RIC3: variants seen among roughly 807,000 people sequenced by gnomAD.
RIC3 encodes the protein RIC3 acetylcholine receptor chaperone, also known as protein RIC-3.
In RIC3, 28 loss-of-function variants were observed where a neutral mutation model predicts 27.3. The ratio of observed to expected loss-of-function variants is 1.02; its 90% CI spans 0.76 to 1.41. RIC3 has a LOEUF of 1.41. Among genes scored for constraint, RIC3 ranks in the 40% most tolerant of loss-of-function variants. The pLI, the probability that RIC3 is intolerant of heterozygous loss-of-function variation, is 0.00. For synonymous variants in RIC3, 184 were observed against 160.4 expected, an observed-to-expected ratio of 1.15 and a Z score of -1.11; for missense variants, 501 against 444.7, an observed-to-expected ratio of 1.13 and a Z score of -1.14.
chr11:8,128,036 C>G (rs770463721), intron 4 of RIC3, among the ~76,000 whole-genome samples: 1 of 152,218 alleles, frequency 6.6e-6, no homozygotes, highest in Non-Finnish European at 1.5e-5. Context: ...ACTAAAGATG[C>G]CTGTCTGTTC....
intron 5 of RIC3, among the ~76,000 whole-genome samples, chr11:8,123,372 T>G (rs538719087): frequency 2.0e-5 from 3 of 151,884 alleles, no homozygotes; most frequent in Admixed American, 1.3e-4. Flanking sequence ...AAAGGCAAAT[T>G]AAACCAAAAG....
rs1478681046 is a variant in RIC3 at position 8,138,364 on chromosome 11, G to T, written c.352-17C>A. 2 of 1,554,016 alleles carry T rather than the reference G, an allele frequency of 1.3e-6. No individual in the cohort carries two copies. The highest frequency in any genetic ancestry group is 1.8e-6 in the Non-Finnish European group (2 of 1,126,268). On this transcript the variant is annotated splice_polypyrimidine_tract_variant and intron_variant, in intron 2 of 5. Coordinates refer to ENST00000309737, the MANE Select transcript of RIC3 (RefSeq NM_001206671.4). ...CTTTGAGAGCTGAGAATTGAAGGAGGTATAGCACATCAACAGCAGCTCAGA... is the reference window on the plus strand; with the variant it reads ...CTTTGAGAGCTGAGAATTGAAGGAGTTATAGCACATCAACAGCAGCTCAGA...
chr11:8,124,099 G>T (rs1401380011), intron 5 of RIC3, among the ~76,000 whole-genome samples: 1 of 148,094 alleles, frequency 6.8e-6, no homozygotes, highest in African/African-American at 2.5e-5. Flanking sequence ...AAAAGAAAAA[G>T]AAAAAGAGAA....
At chr11:8,096,852 C>T in the RIC3 span, 3 of 1,598,200 alleles carry the variant, frequency 1.9e-6, no homozygotes, top group Non-Finnish European at 2.6e-6. Context: ...GAGGACTGCT[C>T]ATCCGTTAGA....
chr11:8,149,175 A>T (rs1294641226), intron 1 of RIC3, among the ~76,000 whole-genome samples: 2 of 151,780 alleles, frequency 1.3e-5, no homozygotes, highest in African/African-American at 4.8e-5. Flanking sequence ...CCTGGGTGAC[A>T]GAGCGAGACT....
intron 1 of RIC3, among the ~76,000 whole-genome samples, chr11:8,149,303 G>A (rs1281655391): frequency 1.3e-5 from 2 of 152,038 alleles, no homozygotes; most frequent in African/African-American, 2.4e-5. Context: ...AAGCACACCA[G>A]GAGGAAAGAA....
chr11:8,144,123 G>A (rs372971051), intron 1 of RIC3, among the ~76,000 whole-genome samples: 3 of 152,170 alleles, frequency 2.0e-5, no homozygotes, highest in Admixed American at 1.3e-4. Context: ...GCATGGGCAA[G>A]GACTTCATGT....
chr11:8,128,439 C>T (rs4340036), intron 4 of RIC3: 3 of 359,628 alleles, frequency 8.3e-6, no homozygotes, highest in African/African-American at 2.1e-5. Context: ...CCTCATTTCA[C>T]TCTTAACAAG....
intron 1 of RIC3, among the ~76,000 whole-genome samples, chr11:8,152,607 T>C (rs1482592619): frequency 6.6e-6 from 1 of 152,146 alleles, no homozygotes; most frequent in Non-Finnish European, 1.5e-5. Flanking sequence ...CTAATGTGTA[T>C]GAGGTTTTTG....
At chr11:8,135,933 T>C (rs1401915126) in intron 4 of RIC3, 1 of 152,218 alleles carries the variant, frequency 6.6e-6, no homozygotes, top group Non-Finnish European at 1.5e-5. Context: ...TGTTAGATAA[T>C]GTATATAAAG....
Position 8,168,850 on chromosome 11 carries a change from G to A in RIC3, c.124+16C>T, listed in dbSNP as rs1952008662. ...TTCGGCGCCGGGAAGCTCAGAGGGA[G>A]CTGGCCTGCTCTTACCTTCAGGTGT... is the stretch of plus-strand genomic sequence containing the variant. On this transcript the variant is annotated intron_variant, in intron 1 of 5. Coordinates refer to ENST00000309737, the MANE Select transcript of RIC3 (RefSeq NM_001206671.4). 6.2e-7 allele frequency: 1 copy of A among 1,608,846 alleles called. No homozygotes were observed. Among genetic ancestry groups the A allele is most frequent in the Non-Finnish European group, 8.5e-7 (1 of 1,177,146 alleles).
intron 2 of RIC3, chr11:8,139,033 T>C (rs1948735344): frequency 6.6e-6 from 1 of 152,384 alleles, no homozygotes; most frequent in South Asian, 2.1e-4. Flanking sequence ...GAGTGTACCC[T>C]TTCTGCAGAA....
At chr11:8,116,602 A>G (rs937376466) in intron 5 of RIC3, among the ~76,000 whole-genome samples, 2 of 152,250 alleles carry the variant, frequency 1.3e-5, no homozygotes, top group Non-Finnish European at 2.9e-5. Context: ...TGGGCAAAGG[A>G]TATAAATAGA....
chr11:8,100,622 C>T, the RIC3 span: 50 of 1,605,242 alleles, frequency 3.1e-5, no homozygotes, highest in Non-Finnish European at 4.3e-5. Flanking sequence ...ACCCCTTCCT[C>T]CCCTCTTTCC....
chr11:8,097,545 C>A, the RIC3 span: 1 of 1,417,104 alleles, frequency 7.1e-7, no homozygotes, highest in Non-Finnish European at 9.8e-7. Context: ...AAAGAAACTG[C>A]CTTCGTGTCT....
chr11:8,140,271 T>A (rs1948903302), intron 1 of RIC3, 78 bp from the exon 2 acceptor site: 1 of 1,321,130 alleles, frequency 7.6e-7, no homozygotes, highest in African/African-American at 1.5e-5. Context: ...ATCATTAAGG[T>A]ATAAAAGAGG....
At chr11:8,115,732 T>A (rs907643915) in intron 5 of RIC3, among the ~76,000 whole-genome samples, 1 of 152,018 alleles carries the variant, frequency 6.6e-6, no homozygotes, top group Admixed American at 6.6e-5. Flanking sequence ...AAAACATTGA[T>A]GAAAGAAATT....
chr11:8,146,947 C>A (rs1451383451), intron 1 of RIC3, among the ~76,000 whole-genome samples: 1 of 152,168 alleles, frequency 6.6e-6, no homozygotes, highest in Admixed American at 6.5e-5. Flanking sequence ...ATGTTTCTTA[C>A]ATGAAAGGAA....
chr11:8,122,100 C>A (rs1946523526), intron 5 of RIC3, among the ~76,000 whole-genome samples: 1 of 152,118 alleles, frequency 6.6e-6, no homozygotes, highest in African/African-American at 2.4e-5. Flanking sequence ...TACCCTTTAT[C>A]CAGTTTCTCC....
Sources: allele counts gnomAD v4.1 joint callset (sites outside exome capture counted in the v4.1 genomes callset), GRCh38; gene constraint gnomAD v4.1.1; transcripts MANE v1.5; gene names NCBI Gene and HGNC (gene_info 2026-07-23, HGNC 2026-07-21).